Variants in IFT74 observed in about 807,000 individuals in gnomAD.
The protein encoded by IFT74 is intraflagellar transport protein 74 homolog.
Under a neutral mutation model 96.7 loss-of-function variants are expected in IFT74, and 92 were observed. The ratio of observed to expected loss-of-function variants is 0.95; its 90% confidence interval spans 0.80 to 1.13. The LOEUF (loss-of-function observed/expected upper bound fraction) is 1.13, where lower values mean the gene tolerates loss of function less well. Among genes scored for constraint, IFT74 ranks in the 50% most tolerant of loss-of-function variants. IFT74 has a pLI of 0.00. For missense variants in IFT74, 811 were observed against 698.2 expected (o/e 1.16, Z -1.82); for synonymous variants, 223 against 213.2 (o/e 1.05, Z -0.40).
intron 8 of IFT74, chr9:26,998,144 G>A (rs762224930): frequency 1.2e-6 from 2 of 1,609,556 alleles, no homozygotes; most frequent in Non-Finnish European, 1.7e-6. Flanking sequence ...ACCATTAAGA[G>A]TAATTTGGTT....
At chr9:26,987,452 G>A (rs1827689013) in intron 6 of IFT74, among the ~76,000 whole-genome samples, 1 of 151,964 alleles carries the variant, frequency 6.6e-6, no homozygotes, top group African/African-American at 2.4e-5. Context: ...AGTTATGCTG[G>A]AACAAATTAG....
chr9:26,955,499 G>C (rs1319595049), upstream of IFT74, among the ~76,000 whole-genome samples: 1 of 152,144 alleles, frequency 6.6e-6, no homozygotes, highest in Non-Finnish European at 1.5e-5. Flanking sequence ...GTCACTTTCA[G>C]TTCCTGTAAG....
intron 12 of IFT74, among the ~76,000 whole-genome samples, chr9:27,021,387 T>G (rs1829594839): frequency 2.0e-5 from 3 of 152,210 alleles, no homozygotes. Context: ...GACCTACTTT[T>G]AGTTCTTTAA....
At chr9:27,051,339 T>C (rs76858604) in intron 16 of IFT74, among the ~76,000 whole-genome samples, 300 of 152,320 alleles carry the variant, frequency 2.0e-3, no homozygotes, top group African/African-American at 7.0e-3. Flanking sequence ...TAGTTTTTTT[T>C]TGTATGTCTA....
In IFT74 at chr9:26,969,351, C is replaced by T. The variant is rs146909962; in HGVS notation, c.120+7264C>T. Among the ~76,000 whole-genome samples, 1,287 of 151,368 alleles carry T rather than the reference C, an allele frequency of 8.5e-3. 22 individuals carry two copies. Among genetic ancestry groups the T allele is most frequent in the African/African-American group, 0.03 (1,232 of 41,290 alleles). ...TTATCTTCTTGTCTTTTTTTTTAAA[C>T]TGTTTTTGATTTGAAGATGTATGTA... is the stretch of plus-strand genomic sequence containing the variant. On this transcript the variant is annotated intron_variant, in intron 2 of 19. Transcript: ENST00000380062.
In IFT74 at chr9:27,016,980, G is replaced by C; in HGVS notation, c.863G>C (p.Arg288Pro). 1 of 1,611,162 alleles carries C rather than the reference G, an allele frequency of 6.2e-7. No individual in the cohort carries two copies. Among genetic ancestry groups the C allele is most frequent in the Non-Finnish European group, 8.5e-7 (1 of 1,178,476 alleles). ...AAACTTTATGAGTTGGAGTCCCATC[G>C]AGATCAAATGATTGCAGAAGACAAA... is the stretch of plus-strand genomic sequence containing the variant. ...HEKLYELESHRDQMIAEDKSI... is the reference protein window; with the variant it reads ...HEKLYELESHPDQMIAEDKSI... The change falls in exon 11 of 20, where the codon CGA becomes CCA. Residue 288 changes from arginine (R) to proline (P), a missense_variant. Physicochemically the swap from Arg to Pro is moderately radical, Grantham distance 103. Coordinates refer to ENST00000380062, the MANE Select transcript of IFT74 (RefSeq NM_025103.4).
At chr9:27,001,151 GC>G (rs1828461745) in intron 8 of IFT74, among the ~76,000 whole-genome samples, 1 of 152,038 alleles carries the variant, frequency 6.6e-6, no homozygotes, top group South Asian at 2.1e-4. Flanking sequence ...TGTTTTTATG[GC>G]TGAATAATAT....
chr9:27,042,542 A>G (rs942772884), intron 13 of IFT74, among the ~76,000 whole-genome samples: 2 of 152,232 alleles, frequency 1.3e-5, no homozygotes, highest in African/African-American at 4.8e-5. Context: ...GAACAATTTC[A>G]TTGGAACAGG....
intron 12 of IFT74, among the ~76,000 whole-genome samples, chr9:27,023,354 G>T (rs1829705830): frequency 6.6e-6 from 1 of 152,046 alleles, no homozygotes; most frequent in African/African-American, 2.4e-5. Context: ...TTTTGCTGAG[G>T]GTTTTAATCA....
chr9:27,011,393 T>C (rs977140839), intron 9 of IFT74, among the ~76,000 whole-genome samples: 10 of 152,224 alleles, frequency 6.6e-5, no homozygotes, highest in African/African-American at 2.4e-4. Flanking sequence ...TATACGTGTA[T>C]GTATGTGTAC....
intron 1 of IFT74, among the ~76,000 whole-genome samples, chr9:26,960,094 A>G (rs1214876874): frequency 6.6e-6 from 1 of 152,094 alleles, no homozygotes; most frequent in Non-Finnish European, 1.5e-5. Flanking sequence ...TTGAATGGGG[A>G]CTCCATTGGA....
At chr9:26,977,258 T>C (rs992040778) in intron 2 of IFT74, among the ~76,000 whole-genome samples, 9 of 152,136 alleles carry the variant, frequency 5.9e-5, no homozygotes, top group African/African-American at 2.2e-4. Flanking sequence ...GGCCTGTTGG[T>C]GCATGCCACC....
chr9:26,947,915 C>T (rs554431269), intron 1 of IFT74, among the ~76,000 whole-genome samples: 21 of 152,116 alleles, frequency 1.4e-4, no homozygotes, highest in Non-Finnish European at 2.6e-4. Flanking sequence ...CGCCGCCCAC[C>T]CACCCGTGGT....
chr9:26,954,793 A>C (rs538976620), upstream of IFT74, among the ~76,000 whole-genome samples: 1 of 152,062 alleles, frequency 6.6e-6, no homozygotes, highest in African/African-American at 2.4e-5. Flanking sequence ...TTAAAATTTG[A>C]CATAACCTAA....
At position 26,959,383 on chromosome 9, in the gene IFT74, G is replaced by A. The variant is rs558058769; in HGVS notation, c.-19-2566G>A. On this transcript the variant is annotated intron_variant, in intron 1 of 19. Coordinates refer to ENST00000380062, the MANE Select transcript of IFT74 (RefSeq NM_025103.4). ...CTCGGCCTCCCAAAGTGCTGGGATT[G>A]CAGGCATGAGCCACCGCGCCCGGCT... Among the ~76,000 whole-genome samples, 25 of 152,218 alleles carry A rather than the reference G, an allele frequency of 1.6e-4. No homozygotes were observed. In the East Asian group the frequency reaches 4.6e-3, roughly 28 times the overall value.
At chr9:27,024,582 A>G (rs1450725946) in intron 12 of IFT74, among the ~76,000 whole-genome samples, 2 of 152,174 alleles carry the variant, frequency 1.3e-5, no homozygotes, top group East Asian at 1.9e-4. Context: ...CAGTAAAACA[A>G]TTCTGGTAAT....
Position 26,999,776 on chromosome 9 carries a change from T to C in IFT74, c.588-9244T>C, listed in dbSNP as rs530555029. ...TCTTTTGAATCTGTTTATTCTTTTT[T>C]TTTTTTTTTTTTTTTGGCTGAGACA... On this transcript the variant is annotated intron_variant, in intron 8 of 19. Coordinates refer to ENST00000380062, the MANE Select transcript of IFT74 (RefSeq NM_025103.4). The C allele has an allele frequency of 2.0e-4, 175 of 857,140 alleles. No individual in the cohort carries two copies. In the East Asian group the frequency reaches 4.0e-3, roughly 20 times the overall value. The allele number at this position is 857,140 out of a possible 1,614,324, so 53.1% of individuals were successfully genotyped here.
At chr9:27,052,241 G>A (rs998212405) in intron 16 of IFT74, among the ~76,000 whole-genome samples, 1 of 152,122 alleles carries the variant, frequency 6.6e-6, no homozygotes, top group Admixed American at 6.5e-5. Context: ...CAGGGGAGGT[G>A]GCTCACGCCT....
chr9:27,058,920 T>C lies in IFT74; in HGVS notation c.1624-1671T>C, dbSNP rs137917479. On this transcript the variant is annotated intron_variant, in intron 18 of 19. Coordinates refer to ENST00000380062, the MANE Select transcript of IFT74 (RefSeq NM_025103.4). ...ATTGACACAATTTTCTTAGGTTGTT[T>C]AGAGTGAGGATGAGTGCTGGGGAAG... Among the ~76,000 whole-genome samples the C allele has an allele frequency of 3.7e-3, 556 of 152,326 alleles. 4 individuals are homozygous for C. The highest frequency in any genetic ancestry group is 0.034 in the East Asian group (176 of 5,184).
Sources: gnomAD v4.1 joint callset for allele counts (sites outside exome capture counted in the v4.1 genomes callset) on GRCh38, gnomAD v4.1.1 for gene constraint, MANE v1.5 for transcripts, NCBI Gene and HGNC (gene_info 2026-07-23, HGNC 2026-07-21) for gene names.